The following ABHD18 variants were observed in gnomAD, a reference collection of about 807,000 sequenced individuals.
The protein encoded by ABHD18 is cardiolipin-specific deacylase, mitochondrial.
In ABHD18, 55 loss-of-function variants were observed where a neutral mutation model predicts 65.9. The observed-to-expected ratio is 0.84, with a 90% CI of 0.67 to 1.05. The LOEUF is 1.05. Among genes scored for constraint, ABHD18 ranks in the 50% least tolerant of loss-of-function variants. The pLI is 0.00. For synonymous variants in ABHD18, 181 were observed against 180.2 expected (o/e 1.00, Z -0.04); for missense variants, 533 against 558.5 (o/e 0.95, Z 0.46).
intron 10 of ABHD18, among the ~76,000 whole-genome samples, chr4:128,025,971 G>A (rs1375519900): frequency 5.9e-5 from 9 of 152,012 alleles, no homozygotes; most frequent in African/African-American, 1.9e-4. Context: ...TGGCCAACAC[G>A]GTGAAACCCC....
chr4:127,990,596 A>G (rs994965129), intron 4 of ABHD18, among the ~76,000 whole-genome samples: 3 of 152,008 alleles, frequency 2.0e-5, no homozygotes, highest in African/African-American at 4.8e-5. Flanking sequence ...TTAAATTTTT[A>G]CAATGTACAT....
intron 1 of ABHD18, among the ~76,000 whole-genome samples, chr4:127,976,268 T>A (rs1747901788): frequency 6.6e-6 from 1 of 152,192 alleles, no homozygotes; most frequent in African/African-American, 2.4e-5. Flanking sequence ...TCTATGTCTT[T>A]CAAGTTAAGA....
chr4:128,020,049 A>G, intron 8 of ABHD18, 31 bp from the exon 9 acceptor site: 1 of 1,441,028 alleles, frequency 6.9e-7, no homozygotes, highest in Non-Finnish European at 9.6e-7. Context: ...TAGAAACTCT[A>G]AATAGACGCT....
intron 1 of ABHD18, 86 bp from the exon 2 acceptor site, chr4:127,982,853 G>C (rs1383137365): frequency 1.6e-6 from 1 of 639,358 alleles, no homozygotes; most frequent in Admixed American, 3.4e-5. Context: ...AATTTTACAT[G>C]ATAGTCAAAG....
At chr4:128,004,482 A>T (rs548199075) in intron 4 of ABHD18, among the ~76,000 whole-genome samples, 4 of 152,058 alleles carry the variant, frequency 2.6e-5, no homozygotes, top group African/African-American at 9.6e-5. Flanking sequence ...AACCAAAATA[A>T]CAACTTCTGC....
intron 4 of ABHD18, among the ~76,000 whole-genome samples, chr4:128,004,575 T>C (rs188653197): frequency 6.6e-6 from 1 of 152,308 alleles, no homozygotes; most frequent in East Asian, 1.9e-4. Flanking sequence ...ATCTTAGTAA[T>C]AAGGTTTATT....
chr4:128,035,624 C>T (rs1758807778), intron 12 of ABHD18, 138 bp from the exon 13 acceptor site: 3 of 540,448 alleles, frequency 5.6e-6, no homozygotes, highest in Non-Finnish European at 1.0e-5. Flanking sequence ...GGGAGGGTAA[C>T]TGCCTATTTC....
At chr4:128,004,905 G>A (rs141029491) in intron 4 of ABHD18, among the ~76,000 whole-genome samples, 4,587 of 149,626 alleles carry the variant, frequency 0.031, 215 homozygotes, top group African/African-American at 0.11. Context: ...ATGAGACTCC[G>A]TCTCAAAAAA....
chr4:128,018,415 AAAT>A (rs922964251), intron 8 of ABHD18, among the ~76,000 whole-genome samples: 1 of 152,128 alleles, frequency 6.6e-6, no homozygotes, highest in African/African-American at 2.4e-5. Context: ...CTGGCCTAAA[AAAT>A]AATAATACCC....
chr4:128,015,906 C>T (rs551960188), intron 7 of ABHD18, among the ~76,000 whole-genome samples: 32 of 150,326 alleles, frequency 2.1e-4, no homozygotes, highest in African/African-American at 7.6e-4. Flanking sequence ...ATTTTGATCA[C>T]TATATACGGA....
intron 1 of ABHD18, among the ~76,000 whole-genome samples, chr4:127,981,991 T>A (rs2149068744): frequency 1.3e-5 from 2 of 152,220 alleles, no homozygotes; most frequent in South Asian, 2.1e-4. Flanking sequence ...GCCCAATTGA[T>A]GGTGGGTTAC....
intron 12 of ABHD18, among the ~76,000 whole-genome samples, chr4:128,034,224 T>C (rs913646690): frequency 6.6e-6 from 1 of 152,168 alleles, no homozygotes; most frequent in Non-Finnish European, 1.5e-5. Flanking sequence ...TCCAAAGTGC[T>C]GGGATTACAG....
At chr4:128,030,917 T>C (rs979353054) in intron 12 of ABHD18, 4 of 1,168,374 alleles carry the variant, frequency 3.4e-6, no homozygotes, top group Non-Finnish European at 4.2e-6. Flanking sequence ...GGCTTTCCCC[T>C]CTTCAAATAT....
chr4:128,008,350 C>A lies in ABHD18; in HGVS notation c.279-570C>A, dbSNP rs577673070. On this transcript the variant is annotated intron_variant, in intron 4 of 12. Transcript: ENST00000645843. ...GCAGTGGCACAATCTCGGCTCACTG[C>A]AACCTCTGCCTCCCGGGTTTAAGCG... is the stretch of plus-strand genomic sequence containing the variant. Among the ~76,000 whole-genome samples the A allele has an allele frequency of 2.4e-3, 338 of 142,242 alleles. 3 individuals are homozygous for A. Among genetic ancestry groups the A allele is most frequent in the African/African-American group, 8.6e-3 (328 of 38,142 alleles). The allele number at this position is 142,242 out of a possible 152,430, so 93.3% of individuals were successfully genotyped here.
In ABHD18 at chr4:128,028,458, T is replaced by A. The variant is rs1252384538; in HGVS notation, c.802-17T>A. ...ATTTTATATTAAATAATGTTTTCTT[T>A]CCTTTCATATGTTCAGACAGATTCT... On this transcript the variant is annotated splice_polypyrimidine_tract_variant and intron_variant, in intron 10 of 12. Transcript: ENST00000645843. 2 of 1,459,342 alleles carry A rather than the reference T, an allele frequency of 1.4e-6. No homozygotes were observed. Among genetic ancestry groups the A allele is most frequent in the Non-Finnish European group, 1.8e-6 (2 of 1,107,228 alleles). The allele number at this position is 1,459,342 out of a possible 1,614,324, so 90.4% of individuals were successfully genotyped here.
chr4:128,011,797 T>C, intron 7 of ABHD18, 97 bp downstream of exon 7: 1 of 371,284 alleles, frequency 2.7e-6, no homozygotes, highest in Admixed American at 4.6e-5. Flanking sequence ...CTAAATTGAA[T>C]ACCTAAATAT....
intron 1 of ABHD18, among the ~76,000 whole-genome samples, chr4:127,969,764 T>C (rs79218850): frequency 6.6e-6 from 1 of 151,782 alleles, no homozygotes; most frequent in Non-Finnish European, 1.5e-5. Context: ...TTTTTTTTTT[T>C]GGAGACAGGA....
chr4:128,014,572 CAA>C (rs1470301589), intron 7 of ABHD18, among the ~76,000 whole-genome samples: 2 of 151,996 alleles, frequency 1.3e-5, no homozygotes, highest in African/African-American at 4.8e-5. Context: ...ACTGTATACT[CAA>C]GTCAAGAAAT....
Position 127,979,282 on chromosome 4 carries a change from G to A in ABHD18, c.-17-3657G>A, listed in dbSNP as rs186138632. Among the ~76,000 whole-genome samples, 19 of 152,332 alleles carry A rather than the reference G, an allele frequency of 1.2e-4. No homozygotes were observed. The East Asian group carries it at 1.4e-3, about 11-fold the overall frequency. ...TTAAAAAACACCAAAAAGGCTGGGC[G>A]CGGTGGCTCATGCCTGTAATCCCAA... On this transcript the variant is annotated intron_variant, in intron 1 of 12. Transcript: ENST00000645843.
Sources: allele counts gnomAD v4.1 joint callset (sites outside exome capture counted in the v4.1 genomes callset), GRCh38; gene constraint gnomAD v4.1.1; transcripts MANE v1.5; gene names NCBI Gene and HGNC (gene_info 2026-07-23, HGNC 2026-07-21).